The following PIP4K2C variants were observed in gnomAD, a reference collection of about 807,000 sequenced individuals.
The protein encoded by PIP4K2C is phosphatidylinositol 5-phosphate 4-kinase type-2 gamma.
A neutral mutation model predicts 45.0 loss-of-function variants in PIP4K2C; 21 were observed. The ratio of observed to expected loss-of-function variants is 0.47; its 90% CI spans 0.33 to 0.67. PIP4K2C has a LOEUF of 0.67. PIP4K2C is among the 30% of genes least tolerant of loss of function. PIP4K2C has a pLI of 0.02. For missense variants in PIP4K2C, 456 were observed against 542.8 expected (o/e 0.84, Z 1.59); for synonymous variants, 201 against 204.8 (o/e 0.98, Z 0.16).
Position 57,601,359 on chromosome 12 carries a change from G to A in PIP4K2C, c.1185+11G>A, listed in dbSNP as rs779470120. ...ACTGTCAAGCATGGGGTGAGAGTTC[G>A]CAAAAGCCTTTCCTTTCCTGTCTTG... On this transcript the variant is annotated intron_variant, in intron 9 of 9. Coordinates refer to ENST00000354947, the MANE Select transcript of PIP4K2C (RefSeq NM_024779.5). The A allele has an allele frequency of 8.1e-6, 13 of 1,599,804 alleles. No individual in the cohort carries two copies. The highest frequency in any genetic ancestry group is 5.4e-5 in the African/African-American group (4 of 74,600).
intron 1 of PIP4K2C, among the ~76,000 whole-genome samples, chr12:57,593,313 C>CAGATCCT (rs1883042161): frequency 6.6e-6 from 1 of 152,192 alleles, no homozygotes; most frequent in South Asian, 2.1e-4. Context: ...TAGCAGACTG[C>CAGATCCT]AGATCCTGGG....
chr12:57,591,659 C>T (rs1358879539), intron 1 of PIP4K2C, among the ~76,000 whole-genome samples, 196 bp downstream of exon 1: 2 of 152,236 alleles, frequency 1.3e-5, no homozygotes, highest in Non-Finnish European at 2.9e-5. Context: ...CCCAACAGTT[C>T]TTTACTGCTC....
Position 57,596,006 on chromosome 12 carries a change from A to C in PIP4K2C, c.488A>C (p.His163Pro). 2 of 1,614,028 alleles carry C rather than the reference A, an allele frequency of 1.2e-6. No individual in the cohort carries two copies. Among genetic ancestry groups the C allele is most frequent in the Non-Finnish European group, 1.7e-6 (2 of 1,179,896 alleles). The change falls in exon 4 of 10, where the codon CAT (histidine) becomes CCT (proline). Residue 163 changes from histidine (H) to proline (P), a missense_variant. His to Pro is a moderately conservative substitution (Grantham distance 77). Coordinates refer to ENST00000354947, the MANE Select transcript of PIP4K2C (RefSeq NM_024779.5). Reference sequence around the variant, plus strand: ...TCCAGTGAGGACATTGCTGACATGCATAGCAACCTCTCCAACTATCACCAG... The same window carrying C: ...TCCAGTGAGGACATTGCTGACATGCCTAGCAACCTCTCCAACTATCACCAG... Reference protein sequence around the residue: ...EVSSEDIADMHSNLSNYHQYI... With the variant: ...EVSSEDIADMPSNLSNYHQYI...
chr12:57,591,244 A>G lies in PIP4K2C; in HGVS notation c.-46A>G, dbSNP rs764458653. On this transcript the variant is annotated 5_prime_UTR_variant, in exon 1 of 10. Transcript: ENST00000354947. The stretch of plus-strand genomic sequence containing the variant: ...GCCGCTTCCGGGGTCGGGCGCCTGG[A>G]TAGCTGCCGGCTCCGGCTTCCACTT... 8.3e-6 allele frequency: 13 copies of G among 1,557,236 alleles called. No homozygotes were observed. The highest frequency in any genetic ancestry group is 4.6e-5 in the East Asian group (2 of 43,156).
At chr12:57,592,763 C>G (rs530314333) in intron 1 of PIP4K2C, among the ~76,000 whole-genome samples, 1 of 152,294 alleles carries the variant, frequency 6.6e-6, no homozygotes, top group East Asian at 1.9e-4. Flanking sequence ...CCTCTGCCAA[C>G]ACACATCTAC....
In PIP4K2C at chr12:57,591,301, C is replaced by G. The variant is rs370735736; in HGVS notation, c.12C>G (p.Ser4=). 1.9e-6 allele frequency: 3 copies of G among 1,611,654 alleles called. No homozygotes were observed. The highest frequency in any genetic ancestry group is 1.3e-5 in the African/African-American group (1 of 74,924). The change falls in exon 1 of 10, where the codon TCC becomes TCG. Residue 4 remains serine, a synonymous_variant. Transcript: ENST00000354947. The part of the protein sequence containing the change: MAS[S]SVPPATVSAA... ...TTGCGCGGGAGACTATGGCGTCCTC[C>G]TCGGTCCCACCAGCCACGGTATCGG...
At chr12:57,598,524 CAAA>C (rs57982410) in intron 4 of PIP4K2C, among the ~76,000 whole-genome samples, 21 of 75,678 alleles carry the variant, frequency 2.8e-4, no homozygotes, top group Non-Finnish European at 4.9e-4. Flanking sequence ...ACTCCATCTC[CAAA>C]AAAAAAAAAA....
intron 6 of PIP4K2C, 21 bp downstream of exon 6, chr12:57,599,459 T>C: frequency 6.2e-7 from 1 of 1,613,880 alleles, no homozygotes; most frequent in Non-Finnish European, 8.5e-7. Context: ...TTTTATGTGC[T>C]AGGGTGAGGG....
chr12:57,599,479 G>A, intron 6 of PIP4K2C, 41 bp downstream of exon 6: 1 of 1,611,252 alleles, frequency 6.2e-7, no homozygotes, highest in Non-Finnish European at 8.5e-7. Context: ...GATGAGGGAT[G>A]AGGGAGGGCA....
chr12:57,593,748 T>A (rs1883072021), intron 1 of PIP4K2C, among the ~76,000 whole-genome samples: 2 of 131,662 alleles, frequency 1.5e-5, no homozygotes, highest in Non-Finnish European at 3.2e-5. Flanking sequence ...CTGAGTTGCT[T>A]ACAGGGTTAG....
intron 1 of PIP4K2C, among the ~76,000 whole-genome samples, chr12:57,592,904 T>C (rs1883023618): frequency 1.3e-5 from 2 of 151,658 alleles, no homozygotes; most frequent in South Asian, 4.2e-4. Context: ...AAGTGGCTTT[T>C]TTTTTTTTTT....
In PIP4K2C at chr12:57,599,192, A is replaced by T. The variant is rs765506922; in HGVS notation, c.641A>T (p.His214Leu). The T allele has an allele frequency of 6.2e-7, 1 of 1,614,214 alleles. No individual in the cohort carries two copies. The highest frequency in any genetic ancestry group is 8.5e-7 in the Non-Finnish European group (1 of 1,180,042). The change falls in exon 5 of 10, where the codon CAC becomes CTC. Residue 214 changes from histidine (H) to leucine (L), a missense_variant. Around this residue, in one of 2 missense-constraint regions of PIP4K2C, gnomAD observed 421 missense variants for 473.1 expected, o/e 0.89. Transcript: ENST00000354947. ...RNMFSHRLPVHRKYDLKGSLV... is the reference protein window; with the variant it reads ...RNMFSHRLPVLRKYDLKGSLV... ...ATGTTTAGCCACCGTCTTCCTGTGC[A>T]CAGGAAGTATGACCTCAAGGTAAGA...
chr12:57,599,005 G>A, intron 4 of PIP4K2C, 60 bp from the exon 5 acceptor site: 2 of 1,562,692 alleles, frequency 1.3e-6, no homozygotes, highest in East Asian at 2.2e-5. Flanking sequence ...GAACTTCCCT[G>A]GGCTGTTTGT....
At position 57,601,852 on chromosome 12, in the gene PIP4K2C, A is replaced by T. The variant is rs920663893; in HGVS notation, c.*246A>T. On this transcript the variant is annotated 3_prime_UTR_variant, in exon 10 of 10. Coordinates refer to ENST00000354947, the MANE Select transcript of PIP4K2C (RefSeq NM_024779.5). ...TCCCCATGAGAAGTCTGCTTGTAGT[A>T]TTAGAATGTTATTGTTGACTCTCTC... is the stretch of plus-strand genomic sequence containing the variant. The T allele has an allele frequency of 3.8e-5, 20 of 527,882 alleles. No individual in the cohort carries two copies. Among genetic ancestry groups the T allele is most frequent in the Non-Finnish European group, 6.5e-5 (19 of 292,916 alleles). 32.7% of individuals were successfully genotyped at this position (527,882 alleles called of 1,614,324 possible). A position where few individuals can be genotyped will look rare whatever the true frequency, so the allele number is the denominator to read the frequency against.
In PIP4K2C at chr12:57,591,238, G is replaced by C. The variant is rs543355866; in HGVS notation, c.-52G>C. ...GTGAGCGCCGCTTCCGGGGTCGGGC[G>C]CCTGGATAGCTGCCGGCTCCGGCTT... On this transcript the variant is annotated 5_prime_UTR_variant, in exon 1 of 10. Transcript: ENST00000354947. 7.7e-6 allele frequency: 12 copies of C among 1,550,892 alleles called. No homozygotes were observed. Among genetic ancestry groups the C allele is most frequent in the East Asian group, 6.9e-5 (3 of 43,354 alleles).
Position 57,603,091 on chromosome 12 carries a change from C to T in PIP4K2C, c.*1485C>T, listed in dbSNP as rs551201174. 2 of 152,624 alleles carry T rather than the reference C, an allele frequency of 1.3e-5. No homozygotes were observed. The highest frequency in any genetic ancestry group is 4.8e-5 in the African/African-American group (2 of 41,566). The allele number at this position is 152,624 out of a possible 1,614,324, so 9.5% of individuals were successfully genotyped here. A position where few individuals can be genotyped will look rare whatever the true frequency, so the allele number is the denominator to read the frequency against. On this transcript the variant is annotated 3_prime_UTR_variant, in exon 10 of 10. Coordinates refer to ENST00000354947, the MANE Select transcript of PIP4K2C (RefSeq NM_024779.5). ...GCCATAGGGAGAAGCTCCCTCTCCC[C>T]TTCATCTTCTGCTCCAAAGGTGGTA...
intron 4 of PIP4K2C, 84 bp downstream of exon 4, chr12:57,596,115 G>A: frequency 1.4e-6 from 2 of 1,466,836 alleles, no homozygotes; most frequent in Non-Finnish European, 1.9e-6. Context: ...GATGCCAACT[G>A]GGGAGAAAAC....
At chr12:57,592,311 C>T (rs1882998955) in intron 1 of PIP4K2C, among the ~76,000 whole-genome samples, 1 of 152,150 alleles carries the variant, frequency 6.6e-6, no homozygotes. Context: ...TGCCCATCTT[C>T]CGTCAGGTCT....
rs773406842 is a variant in PIP4K2C at position 57,599,429 on chromosome 12, T to A, written c.690T>A (p.Asp230Glu). ...CCCTAGTGTCCCGGGAAGCCAGCGA[T>A]AAGGAAAAGGTGATAGTAATTTTAT... ...KGSLVSREAS[D>E]KEKVKELPTL... Residue 230 changes from aspartate (D) to glutamate (E), a missense_variant, in exon 6 of 10, where the codon GAT (aspartate) becomes GAA (glutamate). Asp to Glu is a conservative substitution (Grantham distance 45, BLOSUM62 2). Coordinates refer to ENST00000354947, the MANE Select transcript of PIP4K2C (RefSeq NM_024779.5). The A allele has an allele frequency of 6.2e-7, 1 of 1,613,902 alleles. No homozygotes were observed.
Sources: gnomAD v4.1 joint callset for allele counts (sites outside exome capture counted in the v4.1 genomes callset) on GRCh38, gnomAD v4.1.1 for gene constraint, gnomAD v4.1.1 regional missense constraint, MANE v1.5 for transcripts, NCBI Gene and HGNC (gene_info 2026-07-23, HGNC 2026-07-21) for gene names.